The following LRP1B variants were observed in gnomAD, a reference collection of about 807,000 sequenced individuals.
LRP1B encodes low-density lipoprotein receptor-related protein 1B.
Under a neutral mutation model 556.6 loss-of-function variants are expected in LRP1B, and 217 were observed. The observed-to-expected ratio is 0.39, with a 90% CI of 0.35 to 0.44. LRP1B has a LOEUF of 0.44. Ranked by LOEUF, LRP1B falls within the 20% of genes least tolerant of loss-of-function variation. The probability of loss-of-function intolerance (pLI) is 1.00; values close to 1 mark genes in which losing one functional copy is unlikely to be tolerated. For synonymous variants in LRP1B, 2,047 were observed against 1,865.8 expected, an observed-to-expected ratio of 1.10 and a Z score of -2.50; for missense variants, 5,053 against 5,620.8, an observed-to-expected ratio of 0.90 and a Z score of 3.23.
chr2:140,525,495 A>T (rs1236369160), intron 49 of LRP1B, among the ~76,000 whole-genome samples: 1 of 151,984 alleles, frequency 6.6e-6, no homozygotes, highest in Non-Finnish European at 1.5e-5. Context: ...GTCGTAAGAA[A>T]CATTGTTTCT....
intron 3 of LRP1B, among the ~76,000 whole-genome samples, chr2:141,427,228 A>G (rs1212813473): frequency 6.6e-6 from 1 of 152,242 alleles, no homozygotes; most frequent in African/African-American, 2.4e-5. Context: ...GGGAATGTGA[A>G]TATCATATAT....
intron 41 of LRP1B, among the ~76,000 whole-genome samples, chr2:140,670,259 G>T (rs140283797): frequency 6.6e-6 from 1 of 152,056 alleles, no homozygotes; most frequent in Non-Finnish European, 1.5e-5. Flanking sequence ...AAATTTTACT[G>T]AAGTTACATT....
chr2:140,955,439 G>C (rs1394303022), intron 18 of LRP1B, among the ~76,000 whole-genome samples: 1 of 151,620 alleles, frequency 6.6e-6, no homozygotes, highest in African/African-American at 2.4e-5. Context: ...TTTGACTTTG[G>C]ATACAAATTG....
chr2:141,404,511 G>A (rs546310270), intron 3 of LRP1B, among the ~76,000 whole-genome samples: 2 of 152,282 alleles, frequency 1.3e-5, no homozygotes, highest in East Asian at 3.9e-4. Context: ...TTGGAGTGGT[G>A]TTTTATGTGC....
At chr2:141,660,617 G>A (rs2105394785) in intron 2 of LRP1B, among the ~76,000 whole-genome samples, 1 of 152,192 alleles carries the variant, frequency 6.6e-6, no homozygotes, top group Non-Finnish European at 1.5e-5. Context: ...ACTGGGAAGG[G>A]CCTCCCTGCA....
rs552152915 is a variant in LRP1B at position 141,051,204 on chromosome 2, TGG to T, written c.1553-1984_1553-1983del. 1.3e-3 allele frequency among the ~76,000 whole-genome samples: 204 copies of T among 152,268 alleles called. 1 individual carries two copies. Among genetic ancestry groups the T allele is most frequent in the African/African-American group, 4.7e-3 (194 of 41,594 alleles). On this transcript the variant is annotated intron_variant, in intron 10 of 90. Transcript: ENST00000389484. ...GGAGTGTAAATTAGTTCAACCATTC[TGG>T]AAGACAGTGTGGCGATCCCTCAAGC...
intron 7 of LRP1B, among the ~76,000 whole-genome samples, chr2:141,114,973 A>G (rs572014486): frequency 3.3e-4 from 50 of 152,246 alleles, no homozygotes; most frequent in Non-Finnish European, 1.6e-4. Flanking sequence ...TCTCTAACAC[A>G]CTTGTAGTAA....
At chr2:140,975,261 GAAGA>G (rs1019993011) in intron 18 of LRP1B, among the ~76,000 whole-genome samples, 9 of 152,118 alleles carry the variant, frequency 5.9e-5, no homozygotes, top group Non-Finnish European at 1.5e-5. Flanking sequence ...GAAGGGAAAA[GAAGA>G]GAGAAGAAAT....
intron 35 of LRP1B, among the ~76,000 whole-genome samples, chr2:140,756,140 T>G (rs1688734777): frequency 6.6e-6 from 1 of 151,782 alleles, no homozygotes; most frequent in African/African-American, 2.4e-5. Context: ...AATACAAAAT[T>G]TATACTCTGA....
intron 7 of LRP1B, among the ~76,000 whole-genome samples, chr2:141,071,889 T>C (rs1310035186): frequency 3.3e-5 from 5 of 152,144 alleles, no homozygotes; most frequent in Non-Finnish European, 5.9e-5. Context: ...TCCATGCTCA[T>C]GGGTAGGAAG....
intron 23 of LRP1B, among the ~76,000 whole-genome samples, chr2:140,889,072 T>C (rs1693725819): frequency 1.3e-5 from 2 of 151,772 alleles, no homozygotes; most frequent in Non-Finnish European, 2.9e-5. Context: ...CCTACAAGAC[T>C]AAAAGTAATT....
chr2:141,039,218 G>A (rs1168008839), intron 11 of LRP1B, among the ~76,000 whole-genome samples: 6 of 152,206 alleles, frequency 3.9e-5, no homozygotes, highest in African/African-American at 1.4e-4. Context: ...CAGGTTGTAA[G>A]ATTGACAGAC....
intron 7 of LRP1B, among the ~76,000 whole-genome samples, chr2:141,126,359 C>T (rs1456238045): frequency 2.6e-5 from 4 of 152,040 alleles, no homozygotes; most frequent in Admixed American, 2.0e-4. Flanking sequence ...CCAACCATAC[C>T]GCTACTCTTC....
chr2:141,226,764 T>A (rs1391571060), intron 6 of LRP1B, among the ~76,000 whole-genome samples: 2 of 152,152 alleles, frequency 1.3e-5, no homozygotes, highest in Non-Finnish European at 2.9e-5. Flanking sequence ...ACAGAGCCCA[T>A]CGTATTCAAT....
chr2:142,029,754 G>A (rs1703622672), intron 1 of LRP1B, among the ~76,000 whole-genome samples: 2 of 151,892 alleles, frequency 1.3e-5, no homozygotes, highest in South Asian at 4.1e-4. Flanking sequence ...TACCCGCACA[G>A]TATTGTTTTG....
intron 3 of LRP1B, among the ~76,000 whole-genome samples, chr2:141,319,309 T>G (rs1162435046): frequency 1.1e-5 from 1 of 87,466 alleles, no homozygotes; most frequent in Non-Finnish European, 2.5e-5. Flanking sequence ...GTTTTTTTGT[T>G]GTTTTTTTTT....
chr2:141,990,105 T>A (rs955812027), intron 1 of LRP1B, among the ~76,000 whole-genome samples: 1 of 152,088 alleles, frequency 6.6e-6, no homozygotes, highest in African/African-American at 2.4e-5. Context: ...GCACTAAAGA[T>A]TTCAGTTTCA....
chr2:141,489,375 G>A (rs778370119), intron 2 of LRP1B, among the ~76,000 whole-genome samples: 1 of 151,754 alleles, frequency 6.6e-6, no homozygotes. Flanking sequence ...GTATTTTAAG[G>A]TGGAAAGGTA....
At chr2:140,256,273 G>T (rs1681672313) in intron 86 of LRP1B, among the ~76,000 whole-genome samples, 1 of 151,728 alleles carries the variant, frequency 6.6e-6, no homozygotes, top group Non-Finnish European at 1.5e-5. Context: ...CCTCGTTTCA[G>T]ATTACTCATT....
Sources: allele counts gnomAD v4.1 joint callset (sites outside exome capture counted in the v4.1 genomes callset), GRCh38; gene constraint gnomAD v4.1.1; transcripts MANE v1.5; gene names NCBI Gene and HGNC (gene_info 2026-07-23, HGNC 2026-07-21).